ELAVL4: variants seen among roughly 807,000 people sequenced by gnomAD.
The protein encoded by ELAVL4 is ELAV-like protein 4.
Under a neutral mutation model 35.6 loss-of-function variants are expected in ELAVL4, and 1 was observed. That is an observed-to-expected ratio of 0.03 (90% CI 0.01 to 0.13). The LOEUF is 0.13. ELAVL4 is among the 10% of genes least tolerant of loss of function. The probability of loss-of-function intolerance (pLI) is 1.00; values close to 1 mark genes in which losing one functional copy is unlikely to be tolerated. For missense variants in ELAVL4, 267 were observed against 464.9 expected (o/e 0.57, Z 3.91); for synonymous variants, 156 against 171.0 (o/e 0.91, Z 0.69).
intron 1 of ELAVL4, among the ~76,000 whole-genome samples, chr1:50,127,660 C>T (rs1169437733): frequency 1.3e-5 from 2 of 152,144 alleles, no homozygotes; most frequent in African/African-American, 4.8e-5. Flanking sequence ...ATCTTTGCCA[C>T]ATTCCTGTGA....
chr1:50,164,039 C>T (rs923502180), intron 2 of ELAVL4, among the ~76,000 whole-genome samples: 16 of 152,148 alleles, frequency 1.1e-4, no homozygotes, highest in Non-Finnish European at 1.8e-4. Context: ...TTAATTTCCC[C>T]TTTAGTAAAA....
chr1:50,172,549 C>A (rs6693022), intron 2 of ELAVL4, among the ~76,000 whole-genome samples: 3 of 152,072 alleles, frequency 2.0e-5, no homozygotes, highest in African/African-American at 7.2e-5. Flanking sequence ...AGAAAAAGTT[C>A]TATTGGAACA....
intron 1 of ELAVL4, chr1:50,115,157 A>G (rs1667738947): frequency 6.6e-6 from 1 of 151,742 alleles, no homozygotes; most frequent in Non-Finnish European, 1.5e-5. Flanking sequence ...AAGACCAACC[A>G]ATTTTGCTTT....
chr1:50,061,293 C>T (rs1663955525), intron 1 of ELAVL4, among the ~76,000 whole-genome samples: 1 of 152,122 alleles, frequency 6.6e-6, no homozygotes, highest in South Asian at 2.1e-4. Flanking sequence ...AACCTGAATC[C>T]CTTAAGGCAA....
rs139192718 is a variant in ELAVL4, at chr1:50,140,439, T to C, written c.10-4518T>C. On this transcript the variant is annotated intron_variant, in intron 1 of 6. Transcript: ENST00000371824. ...CCAAGCAGAGAGAACAGGTGTCCTGTCTTTGAGGTCTATCATGTAACCTTA... is the reference window on the plus strand; with the variant it reads ...CCAAGCAGAGAGAACAGGTGTCCTGCCTTTGAGGTCTATCATGTAACCTTA... Among the ~76,000 whole-genome samples the C allele has an allele frequency of 9.2e-4, 140 of 152,346 alleles. 1 individual carries two copies. Among genetic ancestry groups the C allele is most frequent in the African/African-American group, 3.2e-3 (135 of 41,576 alleles).
intron 1 of ELAVL4, among the ~76,000 whole-genome samples, chr1:50,137,378 G>A (rs997453383): frequency 2.0e-5 from 3 of 151,932 alleles, no homozygotes; most frequent in African/African-American, 4.8e-5. Flanking sequence ...AAGAGTGGAG[G>A]ATGGAAGGAG....
chr1:50,146,834 A>C (rs1266094572), intron 2 of ELAVL4, among the ~76,000 whole-genome samples: 1 of 152,100 alleles, frequency 6.6e-6, no homozygotes, highest in Non-Finnish European at 1.5e-5. Context: ...ATATTAGTGA[A>C]TATTATTAAT....
At chr1:50,099,560 C>CAAAAAAAAAAAAAAAA (rs750905424), upstream of ELAVL4, among the ~76,000 whole-genome samples, 2 of 56,306 alleles carry the variant, frequency 3.6e-5, no homozygotes, top group African/African-American at 5.7e-5. Flanking sequence ...AACTCCGCCT[C>CAAAAAAAAAAAAAAAA]AAAAAAAAAA....
At chr1:50,133,598 G>GAAAAGAAA (rs1553174432) in intron 1 of ELAVL4, among the ~76,000 whole-genome samples, 2 of 36,228 alleles carry the variant, frequency 5.5e-5, no homozygotes, top group Admixed American at 2.8e-4. Flanking sequence ...AAGAAAGAAA[G>GAAAAGAAA]AAAAGAAAGA....
intron 2 of ELAVL4, among the ~76,000 whole-genome samples, chr1:50,153,986 G>T (rs1445138832): frequency 6.6e-6 from 1 of 152,192 alleles, no homozygotes; most frequent in Non-Finnish European, 1.5e-5. Flanking sequence ...CCAGAACTGT[G>T]AGAAAATAAA....
intron 2 of ELAVL4, among the ~76,000 whole-genome samples, chr1:50,155,833 A>T (rs1418404453): frequency 6.6e-6 from 1 of 152,178 alleles, no homozygotes; most frequent in Non-Finnish European, 1.5e-5. Context: ...TGTCACTCTC[A>T]TATCCTGGTC....
At chr1:50,061,758 G>A (rs1244539828) in intron 1 of ELAVL4, among the ~76,000 whole-genome samples, 1 of 152,148 alleles carries the variant, frequency 6.6e-6, no homozygotes, top group Non-Finnish European at 1.5e-5. Flanking sequence ...TGCCCAGTGT[G>A]GGAACTCCCC....
At chr1:50,152,670 G>A (rs914197513) in intron 2 of ELAVL4, among the ~76,000 whole-genome samples, 9 of 151,942 alleles carry the variant, frequency 5.9e-5, no homozygotes, top group Non-Finnish European at 8.8e-5. Context: ...CTGCCCCCTC[G>A]CCCCCATTCC....
At chr1:50,187,602 A>G (rs986498397) in intron 3 of ELAVL4, among the ~76,000 whole-genome samples, 7 of 152,228 alleles carry the variant, frequency 4.6e-5, no homozygotes, top group Admixed American at 4.6e-4. Flanking sequence ...TTAAAGTAAC[A>G]TAAACAAGAA....
chr1:50,077,151 T>C (rs1029651907), intron 1 of ELAVL4, among the ~76,000 whole-genome samples: 2 of 152,068 alleles, frequency 1.3e-5, no homozygotes, highest in East Asian at 3.9e-4. Context: ...TTCTATCCCA[T>C]GTTAGATACA....
At chr1:50,094,943 T>A (rs1184872349) in intron 1 of ELAVL4, among the ~76,000 whole-genome samples, 4 of 151,566 alleles carry the variant, frequency 2.6e-5, no homozygotes, top group African/African-American at 7.3e-5. Flanking sequence ...AATAAAAAAA[T>A]AATAATAAAA....
chr1:50,084,424 A>G (rs1163996128), intron 1 of ELAVL4, among the ~76,000 whole-genome samples: 1 of 152,156 alleles, frequency 6.6e-6, no homozygotes, highest in Non-Finnish European at 1.5e-5. Context: ...TTAACATTCT[A>G]GATTGTTTCC....
chr1:50,104,326 T>C (rs1440717115), upstream of ELAVL4, among the ~76,000 whole-genome samples: 1 of 152,268 alleles, frequency 6.6e-6, no homozygotes, highest in East Asian at 1.9e-4. Flanking sequence ...TACATTTTAA[T>C]GTTTGAAGAA....
At chr1:50,085,243 A>G (rs1412215277) in intron 1 of ELAVL4, among the ~76,000 whole-genome samples, 1 of 152,222 alleles carries the variant, frequency 6.6e-6, no homozygotes, top group Non-Finnish European at 1.5e-5. Context: ...TTCATTTGCT[A>G]AAGAGATGAT....
Sources: gnomAD v4.1 joint callset for allele counts (sites outside exome capture counted in the v4.1 genomes callset) on GRCh38, gnomAD v4.1.1 for gene constraint, MANE v1.5 for transcripts, NCBI Gene and HGNC (gene_info 2026-07-23, HGNC 2026-07-21) for gene names.